The following BCORL1 variants were observed in gnomAD, a reference collection of about 807,000 sequenced individuals.
BCORL1 encodes BCL6 corepressor like 1, also known as BCL-6 corepressor-like protein 1.
In BCORL1, 7 loss-of-function variants were observed where a neutral mutation model predicts 87.6. The ratio of observed to expected loss-of-function variants is 0.08; its 90% CI spans 0.05 to 0.15. The LOEUF (loss-of-function observed/expected upper bound fraction) is 0.15. Ranked by LOEUF, BCORL1 falls within the 10% of genes least tolerant of loss-of-function variation. The pLI, the probability that BCORL1 is intolerant of heterozygous loss-of-function variation, is 1.00. For synonymous variants in BCORL1, 591 were observed against 634.4 expected, an observed-to-expected ratio of 0.93 and a Z score of 1.03; for missense variants, 1,215 against 1,499.7, an observed-to-expected ratio of 0.81 and a Z score of 3.13.
At chrX:130,016,858 C>G (rs955701137) in intron 4 of BCORL1, among the ~76,000 whole-genome samples, 4 of 111,587 alleles carry the variant, frequency 3.6e-5, no homozygotes, top group Admixed American at 9.5e-5. Context: ...TGGCAGAGTT[C>G]TAGGCAAAAA....
Position 130,015,049 on chromosome X carries a change from T to A in BCORL1, c.2277T>A (p.Pro759=), listed in dbSNP as rs1284026881. The change falls in exon 4 of 14, where the codon CCT becomes CCA. Residue 759 remains proline (P), a synonymous_variant. Transcript: ENST00000540052. ...EPISIIDQGE[P]KGTGATCGKK... The stretch of plus-strand genomic sequence containing the variant: ...TCTCCATCATTGATCAAGGAGAGCC[T>A]AAGGGCACTGGTGCCACGTGTGGCA... The A allele has an allele frequency of 1.7e-6, 2 of 1,210,218 alleles. No individual in the cohort carries two copies. The highest frequency in any genetic ancestry group is 2.2e-6 in the Non-Finnish European group (2 of 895,246).
intron 1 of BCORL1, among the ~76,000 whole-genome samples, chrX:129,997,860 T>A (rs1027887196): frequency 2.9e-5 from 3 of 105,258 alleles, no homozygotes; most frequent in Non-Finnish European, 5.8e-5. Context: ...TGGTTTCCCC[T>A]GTTCTGTAGT....
At chrX:130,027,522 G>A (rs1187099962) in intron 7 of BCORL1, among the ~76,000 whole-genome samples, 1 of 112,378 alleles carries the variant, frequency 8.9e-6, no homozygotes, top group Non-Finnish European at 1.9e-5. Flanking sequence ...GGTTGAGAGA[G>A]GCGAGTTGAG....
chrX:130,035,935 T>C (rs1286555421), intron 9 of BCORL1, among the ~76,000 whole-genome samples: 7 of 112,592 alleles, frequency 6.2e-5, no homozygotes, highest in Non-Finnish European at 1.3e-4. Context: ...AGTTTCTATA[T>C]ACAGCCAGCA....
chrX:130,013,868 C>T lies in BCORL1; in HGVS notation c.1096C>T (p.Pro366Ser). The T allele has an allele frequency of 8.6e-7, 1 of 1,166,211 alleles. No homozygotes were observed. ...GCCCACTCCAACCCCATCTTCCGGC[C>T]CACCTTCTACCCCCACCCTCATCCC... The part of the protein sequence containing the change: ...PMPTPTPSSG[P>S]PSTPTLIPAF... Residue 366 changes from proline (P) to serine (S), a missense_variant, in exon 4 of 14, where the codon CCA (proline) becomes TCA (serine). Physicochemically the swap from Pro to Ser is moderately conservative, Grantham distance 74. Transcript: ENST00000540052.
At chrX:130,006,492 C>T (rs1027755900) in intron 2 of BCORL1, among the ~76,000 whole-genome samples, 4 of 108,988 alleles carry the variant, frequency 3.7e-5, no homozygotes, top group Non-Finnish European at 5.7e-5. Flanking sequence ...TCCCGAGTAG[C>T]TGGGACTACA....
At chrX:129,998,263 C>A (rs1216639993) in intron 1 of BCORL1, among the ~76,000 whole-genome samples, 1 of 109,850 alleles carries the variant, frequency 9.1e-6, no homozygotes, top group South Asian at 3.8e-4. Context: ...GCCTGTGCTT[C>A]CTGGGTCATT....
At chrX:129,992,054 C>T (rs772103127) in intron 1 of BCORL1, among the ~76,000 whole-genome samples, 3 of 109,917 alleles carry the variant, frequency 2.7e-5, no homozygotes, top group South Asian at 3.9e-4. Context: ...ACTGCAGCTT[C>T]GACCTCCCGA....
chrX:130,055,083 T>C (rs1017108330), intron 13 of BCORL1, among the ~76,000 whole-genome samples: 7 of 111,098 alleles, frequency 6.3e-5, no homozygotes, highest in East Asian at 5.7e-4. Context: ...GGGAAAACCC[T>C]GTGAACTGGG....
intron 7 of BCORL1, 41 bp from the exon 8 acceptor site, chrX:130,028,594 A>G: frequency 1.8e-6 from 2 of 1,133,022 alleles, no homozygotes; most frequent in East Asian, 3.0e-5. Context: ...TCTGTGTTCC[A>G]TTTCTCTGAC....
rs369214982 is a variant in BCORL1 at position 130,005,218 on chromosome X, G to A, written c.-14G>A. ...GTGGCCACAGCAGGTCCTATCTGGT[G>A]GTGAGTGGCTGTCATGATCTCTACA... On this transcript the variant is annotated 5_prime_UTR_variant, in exon 2 of 14. Coordinates refer to ENST00000540052, the MANE Select transcript of BCORL1 (RefSeq NM_001379451.1). The A allele has an allele frequency of 2.0e-5, 24 of 1,200,675 alleles. No individual in the cohort carries two copies. The highest frequency in any genetic ancestry group is 2.7e-5 in the Non-Finnish European group (24 of 887,647).
chrX:130,023,154 T>C lies in BCORL1; in HGVS notation c.3688+177T>C, dbSNP rs6634765. 3.5e-3 allele frequency among the ~76,000 whole-genome samples: 394 copies of C among 111,611 alleles called. 6 individuals are homozygous for C. In the East Asian group the frequency reaches 0.065, roughly 19 times the overall value. On this transcript the variant is annotated intron_variant, in intron 6 of 13. Coordinates refer to ENST00000540052, the MANE Select transcript of BCORL1 (RefSeq NM_001379451.1). ...GCCCTGGGTGGGGGCAGGGGACAAA[T>C]AGTCCTCAAATATTGCCCACTGTTT... is the stretch of plus-strand genomic sequence containing the variant.
Position 130,034,482 on chromosome X carries a change from A to T in BCORL1, c.4333A>T (p.Thr1445Ser). The stretch of plus-strand genomic sequence containing the variant: ...CAAAGGTCGTTGGAGCCAGCAGAAG[A>T]CACGATCTCCCAAATCTCCCACCCC... ...KGKGRWSQQK[T>S]RSPKSPTPVK... Residue 1445 changes from threonine (T) to serine (S), a missense_variant, in exon 9 of 14, where the codon ACA (threonine) becomes TCA (serine). Around this residue, in one of 5 missense-constraint regions of BCORL1, gnomAD observed 166 missense variants for 196.5 expected, o/e 0.84. Transcript: ENST00000540052. 1.0e-6 allele frequency: 1 copy of T among 983,049 alleles called. No homozygotes were observed. The highest frequency in any genetic ancestry group is 1.3e-6 in the Non-Finnish European group (1 of 756,076). The allele number at this position is 983,049 out of a possible 1,213,427, so 81.0% of individuals were successfully genotyped here.
Position 130,057,150 on chromosome X carries a change from C to A in BCORL1, c.*1014C>A. The A allele has an allele frequency of 8.9e-6, 1 of 112,869 alleles. No homozygotes were observed. 9.3% of individuals were successfully genotyped at this position (112,869 alleles called of 1,213,427 possible). A position where few individuals can be genotyped will look rare whatever the true frequency, so the allele number is the denominator to read the frequency against. ...GCCCTCAGCCACCCCCATCCCTGCCCCTTCTGAGACTCACAGCACCCCTTT... is the reference window on the plus strand; with the variant it reads ...GCCCTCAGCCACCCCCATCCCTGCCACTTCTGAGACTCACAGCACCCCTTT... On this transcript the variant is annotated 3_prime_UTR_variant, in exon 14 of 14. Transcript: ENST00000540052.
Position 130,014,202 on chromosome X carries a change from C to T in BCORL1, c.1430C>T (p.Thr477Met), listed in dbSNP as rs1294884267. The change falls in exon 4 of 14, where the codon ACG becomes ATG. Residue 477 changes from threonine to methionine, a missense_variant. Around this residue, in one of 5 missense-constraint regions of BCORL1, gnomAD observed 861 missense variants for 1,010.0 expected, o/e 0.85. Transcript: ENST00000540052. ...ACTCTAGGGGTTTCCTCCACTCTTA[C>T]GCTCCCTGTCCTGCCGTCCTACCTG... ...PTTLGVSSTLTLPVLPSYLQD... is the reference protein window; with the variant it reads ...PTTLGVSSTLMLPVLPSYLQD... The T allele has an allele frequency of 5.8e-6, 7 of 1,210,894 alleles. No individual in the cohort carries two copies. Among genetic ancestry groups the T allele is most frequent in the Admixed American group, 4.3e-5 (2 of 46,002 alleles).
chrX:130,030,877 C>T (rs1930555116), intron 8 of BCORL1, among the ~76,000 whole-genome samples: 1 of 112,700 alleles, frequency 8.9e-6, no homozygotes, highest in African/African-American at 3.2e-5. Flanking sequence ...TCCTTTCCCC[C>T]TCCCACCTTC....
intron 7 of BCORL1, among the ~76,000 whole-genome samples, chrX:130,027,268 G>A (rs972044035): frequency 8.9e-6 from 1 of 112,746 alleles, no homozygotes; most frequent in Non-Finnish European, 1.9e-5. Flanking sequence ...CAAATGTGTC[G>A]CATCAAAAGC....
Position 130,015,331 on chromosome X carries a change from C to T in BCORL1, c.2559C>T (p.Thr853=). The T allele has an allele frequency of 2.5e-6, 3 of 1,211,779 alleles. No homozygotes were observed. Among genetic ancestry groups the T allele is most frequent in the Non-Finnish European group, 3.3e-6 (3 of 895,577 alleles). The change falls in exon 4 of 14, where the codon ACC becomes ACT. Residue 853 remains threonine (T), a synonymous_variant. Coordinates refer to ENST00000540052, the MANE Select transcript of BCORL1 (RefSeq NM_001379451.1). ...GCATTTCCAGTGCCGGGCAGCTGAC[C>T]CCCAGTCAGGGGGCGCCCATCAGGC... The part of the protein sequence containing the change: ...SIGISSAGQL[T]PSQGAPIRPT...
chrX:130,036,417 C>A (rs1385466394), intron 9 of BCORL1, among the ~76,000 whole-genome samples: 1 of 111,439 alleles, frequency 9.0e-6, no homozygotes, highest in Non-Finnish European at 1.9e-5. Context: ...CCTGCCATCA[C>A]ACTGGGCTAA....
Sources: gnomAD v4.1 joint callset for allele counts (sites outside exome capture counted in the v4.1 genomes callset) on GRCh38, gnomAD v4.1.1 for gene constraint, gnomAD v4.1.1 regional missense constraint, MANE v1.5 for transcripts, NCBI Gene and HGNC (gene_info 2026-07-23, HGNC 2026-07-21) for gene names.